Variants in MYLK observed in about 807,000 individuals in gnomAD.
The protein encoded by MYLK is myosin light chain kinase, smooth muscle.
In MYLK, 106 loss-of-function variants were observed where a neutral mutation model predicts 203.4. The ratio of observed to expected loss-of-function variants is 0.52; its 90% CI spans 0.45 to 0.61. MYLK has a LOEUF of 0.61. MYLK is among the 20% of genes least tolerant of loss of function. The probability of loss-of-function intolerance (pLI) is 0.00; values close to 1 mark genes in which losing one functional copy is unlikely to be tolerated. For missense variants in MYLK, 2,072 were observed against 2,442.3 expected (o/e 0.85, Z 3.20); for synonymous variants, 867 against 959.5 (o/e 0.90, Z 1.78).
At chr3:123,785,559 C>A (rs2064480234) in intron 4 of MYLK, among the ~76,000 whole-genome samples, 1 of 152,224 alleles carries the variant, frequency 6.6e-6, no homozygotes, top group South Asian at 2.1e-4. Flanking sequence ...TTGAATGAAT[C>A]TTGAGAATTC....
In MYLK at chr3:123,614,731, G is replaced by A. The variant is rs1008393520; in HGVS notation, c.5501-382C>T. ...GTTGCTCAAATTCCTGGGCTCAAAC[G>A]ATCCTCCCTTCTCAGCCTCCTGAGT... is the stretch of plus-strand genomic sequence containing the variant. On this transcript the variant is annotated intron_variant, in intron 33 of 33. Coordinates refer to ENST00000360304, the MANE Select transcript of MYLK (RefSeq NM_053025.4). Among the ~76,000 whole-genome samples, 4 of 151,808 alleles carry A rather than the reference G, an allele frequency of 2.6e-5. No individual in the cohort carries two copies. In the Middle Eastern group the frequency reaches 0.01, roughly 387 times the overall value.
At chr3:123,698,099 T>C (rs2061007001) in intron 18 of MYLK, among the ~76,000 whole-genome samples, 3 of 152,160 alleles carry the variant, frequency 2.0e-5, no homozygotes, top group East Asian at 1.9e-4. Flanking sequence ...TGGCTGTTGA[T>C]GGCTCTGGGT....
intron 2 of MYLK, among the ~76,000 whole-genome samples, chr3:123,848,025 C>T (rs1211188684): frequency 1.3e-5 from 2 of 151,954 alleles, no homozygotes; most frequent in African/African-American, 4.8e-5. Context: ...GAAGAAGTCT[C>T]TTAACTATCA....
At chr3:123,842,541 C>T (rs1045390874) in intron 2 of MYLK, among the ~76,000 whole-genome samples, 15 of 152,152 alleles carry the variant, frequency 9.9e-5, no homozygotes, top group Admixed American at 3.9e-4. Context: ...TTACTCTTTT[C>T]AAACACATAG....
At chr3:123,677,802 T>C (rs377168082) in intron 20 of MYLK, among the ~76,000 whole-genome samples, 3 of 149,658 alleles carry the variant, frequency 2.0e-5, no homozygotes, top group Admixed American at 6.7e-5. Context: ...GACAACAGCA[T>C]AGTTAGAATT....
At chr3:123,697,174 G>A (rs1381275351) in intron 18 of MYLK, among the ~76,000 whole-genome samples, 1 of 152,246 alleles carries the variant, frequency 6.6e-6, no homozygotes, top group African/African-American at 2.4e-5. Flanking sequence ...ACTGCCTGAG[G>A]AGGGACCTGC....
intron 29 of MYLK, among the ~76,000 whole-genome samples, chr3:123,635,357 C>T (rs1329883187): frequency 6.6e-6 from 1 of 152,244 alleles, no homozygotes; most frequent in African/African-American, 2.4e-5. Flanking sequence ...CAGCACCGCT[C>T]TCTGTTGAGA....
chr3:123,846,470 A>T (rs2030014858), intron 2 of MYLK, among the ~76,000 whole-genome samples: 1 of 152,070 alleles, frequency 6.6e-6, no homozygotes, highest in Admixed American at 6.6e-5. Context: ...TATTTCATTC[A>T]TTTTCCTACT....
intron 12 of MYLK, among the ~76,000 whole-genome samples, chr3:123,725,491 A>G (rs1452341159): frequency 6.6e-6 from 1 of 152,222 alleles, no homozygotes; most frequent in Non-Finnish European, 1.5e-5. Context: ...CTGCCACTAA[A>G]TAAAAGGTAA....
intron 28 of MYLK, among the ~76,000 whole-genome samples, chr3:123,638,472 T>G (rs1253902108): frequency 3.3e-5 from 5 of 152,184 alleles, no homozygotes; most frequent in African/African-American, 1.2e-4. Flanking sequence ...GGTCTTTTTG[T>G]GAGTCTGTCT....
intron 1 of MYLK, among the ~76,000 whole-genome samples, chr3:123,878,289 A>G (rs1231878157): frequency 6.6e-6 from 1 of 152,204 alleles, no homozygotes; most frequent in East Asian, 1.9e-4. Context: ...AAGGTGCACA[A>G]TCTGAGACCT....
intron 29 of MYLK, among the ~76,000 whole-genome samples, chr3:123,637,206 G>T (rs930136354): frequency 6.6e-6 from 1 of 152,178 alleles, no homozygotes; most frequent in Non-Finnish European, 1.5e-5. Context: ...GGCCACACAG[G>T]TTCAGGGGCT....
chr3:123,851,987 C>A (rs1447234920), intron 2 of MYLK, among the ~76,000 whole-genome samples: 1 of 152,170 alleles, frequency 6.6e-6, no homozygotes, highest in East Asian at 1.9e-4. Flanking sequence ...GCCTTTTCTG[C>A]ATCTATTGAG....
rs780264881 is a variant in MYLK at position 123,707,941 on chromosome 3, C to T, written c.2203G>A (p.Gly735Ser). ...SKPRSVTASL[G>S]QSVLISCAIA... The stretch of plus-strand genomic sequence containing the variant: ...GCGCAGGAGATGAGGACACTCTGGC[C>T]CAGGGAGGCTGTCACTGAGCGAGGC... Residue 735 changes from glycine to serine, a missense_variant, in exon 16 of 34, where the codon GGC (glycine) becomes AGC (serine). Coordinates refer to ENST00000360304, the MANE Select transcript of MYLK (RefSeq NM_053025.4). 6.8e-6 allele frequency: 11 copies of T among 1,613,994 alleles called. No homozygotes were observed. Among genetic ancestry groups the T allele is most frequent in the South Asian group, 1.1e-5 (1 of 91,070 alleles).
intron 2 of MYLK, among the ~76,000 whole-genome samples, chr3:123,833,933 G>A (rs867183971): frequency 2.6e-5 from 4 of 152,190 alleles, no homozygotes; most frequent in Non-Finnish European, 5.9e-5. Context: ...TCTCCAGAGA[G>A]AGGACTGAAC....
chr3:123,721,160 C>T (rs1250738297), intron 13 of MYLK, among the ~76,000 whole-genome samples: 3 of 152,204 alleles, frequency 2.0e-5, no homozygotes, highest in Non-Finnish European at 2.9e-5. Flanking sequence ...CTTTCCTTTT[C>T]TGCGAAACTT....
intron 2 of MYLK, among the ~76,000 whole-genome samples, chr3:123,833,387 T>C (rs1009181397): frequency 2.8e-4 from 42 of 152,190 alleles, no homozygotes; most frequent in Admixed American, 2.3e-3. Context: ...GGATACCTAT[T>C]GCTTCTTAGT....
chr3:123,684,319 G>A (rs1344460070), intron 19 of MYLK, among the ~76,000 whole-genome samples: 1 of 152,134 alleles, frequency 6.6e-6, no homozygotes, highest in Non-Finnish European at 1.5e-5. Context: ...CTCTCCTCAA[G>A]CACAGGGAGT....
chr3:123,710,770 A>G (rs1476575972), intron 13 of MYLK, among the ~76,000 whole-genome samples: 2 of 152,260 alleles, frequency 1.3e-5, no homozygotes, highest in Non-Finnish European at 2.9e-5. Context: ...AGTCTTGTAC[A>G]CAAACATTCA....
Sources: gnomAD v4.1 joint callset for allele counts (sites outside exome capture counted in the v4.1 genomes callset) on GRCh38, gnomAD v4.1.1 for gene constraint, MANE v1.5 for transcripts, NCBI Gene and HGNC (gene_info 2026-07-23, HGNC 2026-07-21) for gene names.